CNTNAP2: variants seen among roughly 807,000 people sequenced by gnomAD.
CNTNAP2 encodes the protein contactin-associated protein-like 2.
In CNTNAP2, 98 loss-of-function variants were observed where a neutral mutation model predicts 155.2. The ratio of observed to expected loss-of-function variants is 0.63; its 90% CI spans 0.54 to 0.75. The LOEUF (loss-of-function observed/expected upper bound fraction) is 0.75. CNTNAP2 is among the 30% of genes least tolerant of loss of function. The pLI is 0.00. For missense variants in CNTNAP2, 1,727 were observed against 1,688.1 expected (o/e 1.02, Z -0.40); for synonymous variants, 651 against 631.2 (o/e 1.03, Z -0.47).
Position 146,831,095 on chromosome 7 carries a change from G to T in CNTNAP2, c.209-8616G>T, listed in dbSNP as rs181480154. 1.3e-3 allele frequency among the ~76,000 whole-genome samples: 192 copies of T among 152,218 alleles called. 2 individuals carry two copies. In the Middle Eastern group the frequency reaches 0.014, roughly 11 times the overall value. On this transcript the variant is annotated intron_variant, in intron 2 of 23. Coordinates refer to ENST00000361727, the MANE Select transcript of CNTNAP2 (RefSeq NM_014141.6). ...TAAACAAGGACTCAATTTTATAAAA[G>T]GAAATCCTTATAACCTACCACTATT...
In CNTNAP2 at chr7:146,519,156, T is replaced by C. The variant is rs569991434; in HGVS notation, c.98-255115T>C. ...TAATGTCTTATACAGTGTTGGACCA[T>C]CATTAATATTGAGTATTGATAATAT... On this transcript the variant is annotated intron_variant, in intron 1 of 23. Transcript: ENST00000361727. 1.4e-4 allele frequency among the ~76,000 whole-genome samples: 21 copies of C among 151,994 alleles called. No homozygotes were observed. In the South Asian group the frequency reaches 4.1e-3, roughly 30 times the overall value.
intron 1 of CNTNAP2, among the ~76,000 whole-genome samples, chr7:146,360,694 C>G (rs1220330956): frequency 6.6e-6 from 1 of 152,174 alleles, no homozygotes; most frequent in Non-Finnish European, 1.5e-5. Flanking sequence ...TCCCCAGATT[C>G]CAGTTCAGAT....
chr7:146,504,834 A>G (rs1012342817), intron 1 of CNTNAP2, among the ~76,000 whole-genome samples: 5 of 151,958 alleles, frequency 3.3e-5, no homozygotes, highest in Non-Finnish European at 7.4e-5. Flanking sequence ...AGTCCCATAA[A>G]CTCCCAGGGG....
At chr7:146,568,482 A>C (rs915873866) in intron 1 of CNTNAP2, among the ~76,000 whole-genome samples, 1 of 152,194 alleles carries the variant, frequency 6.6e-6, no homozygotes, top group African/African-American at 2.4e-5. Context: ...TTCATTGCTT[A>C]ATGTTCAAAT....
intron 1 of CNTNAP2, among the ~76,000 whole-genome samples, chr7:146,595,813 C>T (rs1234583630): frequency 6.6e-6 from 1 of 152,024 alleles, no homozygotes; most frequent in Admixed American, 6.6e-5. Context: ...TTCTGGACAG[C>T]TAGGGCTCGA....
intron 9 of CNTNAP2, among the ~76,000 whole-genome samples, chr7:147,350,039 C>A (rs1164811472): frequency 1.3e-5 from 2 of 151,856 alleles, no homozygotes; most frequent in Non-Finnish European, 2.9e-5. Flanking sequence ...ATTATAACAT[C>A]ATTCCTGTTA....
At chr7:147,547,121 G>A (rs1307418083) in intron 11 of CNTNAP2, among the ~76,000 whole-genome samples, 3 of 152,082 alleles carry the variant, frequency 2.0e-5, no homozygotes, top group Admixed American at 6.6e-5. Context: ...ACTGAGACTT[G>A]CTCATGTCTT....
At chr7:147,071,325 C>CAA (rs57444105) in intron 4 of CNTNAP2, among the ~76,000 whole-genome samples, 15 of 132,888 alleles carry the variant, frequency 1.1e-4, no homozygotes, top group Non-Finnish European at 2.0e-4. Flanking sequence ...GATTATCCTG[C>CAA]AAAAAAAAAA....
rs573493462 is a variant in CNTNAP2, at chr7:147,268,069, A to C, written c.1349-32072A>C. ...CTTGTAACCTACTTTGTGCTGACCCATTCACCTTAATAAGAAAGGTAAATA... is the reference window on the plus strand; with the variant it reads ...CTTGTAACCTACTTTGTGCTGACCCCTTCACCTTAATAAGAAAGGTAAATA... On this transcript the variant is annotated intron_variant, in intron 8 of 23. Coordinates refer to ENST00000361727, the MANE Select transcript of CNTNAP2 (RefSeq NM_014141.6). 2.3e-4 allele frequency among the ~76,000 whole-genome samples: 35 copies of C among 152,270 alleles called. No individual in the cohort carries two copies. In the East Asian group the frequency reaches 6.4e-3, roughly 28 times the overall value.
Position 147,392,153 on chromosome 7 carries a change from AT to A in CNTNAP2, c.1499-3453del, listed in dbSNP as rs559836974. ...CATAGCAAAGATCTAATTTTCTCTA[AT>A]TTCTGATGACACTTTTCTCACCTTC... On this transcript the variant is annotated intron_variant, in intron 9 of 23. Coordinates refer to ENST00000361727, the MANE Select transcript of CNTNAP2 (RefSeq NM_014141.6). 6.6e-5 allele frequency among the ~76,000 whole-genome samples: 10 copies of A among 152,050 alleles called. No individual in the cohort carries two copies. In the East Asian group the frequency reaches 1.9e-3, roughly 29 times the overall value.
chr7:148,241,635 G>C (rs898793730), intron 20 of CNTNAP2, among the ~76,000 whole-genome samples: 19 of 152,178 alleles, frequency 1.2e-4, no homozygotes, highest in African/African-American at 4.3e-4. Flanking sequence ...CCATGGTGGA[G>C]GGGGGAGGAT....
At chr7:146,259,108 C>T (rs1033517466) in intron 1 of CNTNAP2, among the ~76,000 whole-genome samples, 2 of 152,254 alleles carry the variant, frequency 1.3e-5, no homozygotes, top group Admixed American at 1.3e-4. Context: ...CTCCTGCCAC[C>T]TTGTAAGAAT....
At chr7:148,325,494 A>G (rs571271447) in intron 21 of CNTNAP2, among the ~76,000 whole-genome samples, 1 of 152,350 alleles carries the variant, frequency 6.6e-6, no homozygotes, top group East Asian at 1.9e-4. Context: ...TAAATAAAGG[A>G]GAATCTTGTC....
At chr7:146,412,858 G>A (rs1795885966) in intron 1 of CNTNAP2, among the ~76,000 whole-genome samples, 1 of 152,164 alleles carries the variant, frequency 6.6e-6, no homozygotes, top group Non-Finnish European at 1.5e-5. Flanking sequence ...TTTAGTCACA[G>A]AGTAAACCTA....
intron 13 of CNTNAP2, among the ~76,000 whole-genome samples, chr7:147,660,233 A>G (rs1385518534): frequency 6.6e-6 from 1 of 152,196 alleles, no homozygotes; most frequent in South Asian, 2.1e-4. Context: ...GACTTTTTCA[A>G]TGTATTCCTT....
chr7:147,456,538 G>A (rs1371664824), intron 10 of CNTNAP2, among the ~76,000 whole-genome samples: 1 of 151,984 alleles, frequency 6.6e-6, no homozygotes, highest in Non-Finnish European at 1.5e-5. Flanking sequence ...TGGAGAGGTG[G>A]GGCAAGTGTG....
intron 8 of CNTNAP2, among the ~76,000 whole-genome samples, chr7:147,136,429 T>A (rs761825168): frequency 9.2e-5 from 14 of 151,992 alleles, no homozygotes; most frequent in Non-Finnish European, 2.1e-4. Flanking sequence ...TCATTTGTAT[T>A]TTCATCTCCA....
intron 22 of CNTNAP2, among the ~76,000 whole-genome samples, chr7:148,391,073 T>C (rs947020348): frequency 2.6e-5 from 4 of 151,830 alleles, no homozygotes; most frequent in Non-Finnish European, 5.9e-5. Flanking sequence ...AGAAAGTCTC[T>C]ATTTGGTTCT....
chr7:146,180,428 G>T (rs910265831), intron 1 of CNTNAP2, among the ~76,000 whole-genome samples: 1 of 148,970 alleles, frequency 6.7e-6, no homozygotes. Flanking sequence ...AATCAATGGG[G>T]CATATATCCA....
Sources: gnomAD v4.1 joint callset for allele counts (sites outside exome capture counted in the v4.1 genomes callset) on GRCh38, gnomAD v4.1.1 for gene constraint, MANE v1.5 for transcripts, NCBI Gene and HGNC (gene_info 2026-07-23, HGNC 2026-07-21) for gene names.